Variants in ZSWIM6 observed in about 807,000 individuals in gnomAD.
ZSWIM6 encodes zinc finger SWIM-type containing 6.
A neutral mutation model predicts 113.2 loss-of-function variants in ZSWIM6; 9 were observed. That is an observed-to-expected ratio of 0.08 (90% CI 0.05 to 0.14). The LOEUF is 0.14. Ranked by LOEUF, ZSWIM6 falls within the 10% of genes least tolerant of loss-of-function variation. The probability of loss-of-function intolerance (pLI) is 1.00; values close to 1 mark genes in which losing one functional copy is unlikely to be tolerated. For synonymous variants in ZSWIM6, 611 were observed against 606.5 expected, an observed-to-expected ratio of 1.01 and a Z score of -0.11; for missense variants, 1,162 against 1,552.2, an observed-to-expected ratio of 0.75 and a Z score of 4.22.
At chr5:61,479,604 T>G (rs909054442) in intron 2 of ZSWIM6, among the ~76,000 whole-genome samples, 38 of 152,188 alleles carry the variant, frequency 2.5e-4, no homozygotes, top group African/African-American at 9.2e-4. Context: ...TCCCCCACAA[T>G]GGCGTTTCTC....
chr5:61,456,858 A>G (rs562180558), intron 1 of ZSWIM6, among the ~76,000 whole-genome samples: 1 of 150,114 alleles, frequency 6.7e-6, no homozygotes, highest in East Asian at 1.9e-4. Flanking sequence ...AGGGAAATCA[A>G]TTTCTGTTGA....
At chr5:61,508,882 A>T (rs927456069) in intron 4 of ZSWIM6, among the ~76,000 whole-genome samples, 2 of 152,172 alleles carry the variant, frequency 1.3e-5, no homozygotes, top group African/African-American at 2.4e-5. Flanking sequence ...TTGACACAGG[A>T]TGAAAGGGGA....
rs368515214 is a variant in ZSWIM6, at chr5:61,425,504, C to T, written c.677-47177C>T. On this transcript the variant is annotated intron_variant, in intron 1 of 13. Coordinates refer to ENST00000252744, the MANE Select transcript of ZSWIM6 (RefSeq NM_020928.2). The stretch of plus-strand genomic sequence containing the variant: ...GACACCGTGGTTCTAGACTATAATT[C>T]ATGCTCTGAGAGTTCTCATGTTCTA... Among the ~76,000 whole-genome samples the T allele has an allele frequency of 1.8e-4, 28 of 152,294 alleles. No individual in the cohort carries two copies. In the East Asian group the frequency reaches 5.0e-3, roughly 27 times the overall value.
chr5:61,525,955 C>T lies in ZSWIM6; in HGVS notation c.1669C>T (p.Arg557Cys), dbSNP rs181002879. Reference sequence around the variant, plus strand: ...CACTGAAAACTCCCTCTTCGACTCCCGCGGGTGGCCCCTCTGGCATGGTAA... The same window carrying T: ...CACTGAAAACTCCCTCTTCGACTCCTGCGGGTGGCCCCTCTGGCATGGTAA... ...DDTENSLFDSRGWPLWHEHVP... is the reference protein window; with the variant it reads ...DDTENSLFDSCGWPLWHEHVP... Residue 557 changes from arginine to cysteine, a missense_variant, in exon 6 of 14, where the codon CGC (arginine) becomes TGC (cysteine). Transcript: ENST00000252744. 2.5e-4 allele frequency: 395 copies of T among 1,552,144 alleles called. No individual in the cohort carries two copies. The highest frequency in any genetic ancestry group is 3.1e-4 in the Non-Finnish European group (354 of 1,147,054).
intron 1 of ZSWIM6, among the ~76,000 whole-genome samples, chr5:61,436,630 T>C (rs1746713489): frequency 6.6e-6 from 1 of 152,146 alleles, no homozygotes; most frequent in South Asian, 2.1e-4. Context: ...ACTTATTGAG[T>C]TGTTATTACT....
At chr5:61,367,959 C>CA (rs1554031172) in intron 1 of ZSWIM6, among the ~76,000 whole-genome samples, 1 of 151,946 alleles carries the variant, frequency 6.6e-6, no homozygotes, top group Non-Finnish European at 1.5e-5. Context: ...TCCATCTCTA[C>CA]AAAAAATTAA....
At chr5:61,346,732 T>G (rs1165735942) in intron 1 of ZSWIM6, among the ~76,000 whole-genome samples, 1 of 152,206 alleles carries the variant, frequency 6.6e-6, no homozygotes, top group African/African-American at 2.4e-5. Flanking sequence ...CAGAGCAGTT[T>G]CTTTGCAGTT....
intron 1 of ZSWIM6, among the ~76,000 whole-genome samples, chr5:61,456,790 T>A (rs1051117362): frequency 9.2e-5 from 14 of 152,232 alleles, no homozygotes; most frequent in Non-Finnish European, 1.8e-4. Context: ...AGCTATCATT[T>A]ATTGTATCTT....
At chr5:61,337,149 G>C (rs1335348713) in intron 1 of ZSWIM6, among the ~76,000 whole-genome samples, 2 of 151,974 alleles carry the variant, frequency 1.3e-5, no homozygotes, top group Non-Finnish European at 2.9e-5. Context: ...GAGCGGTTGC[G>C]GGCGTCTGTA....
Position 61,523,089 on chromosome 5 carries a change from G to A in ZSWIM6, c.1513+1647G>A, listed in dbSNP as rs562360047. 3.9e-5 allele frequency among the ~76,000 whole-genome samples: 6 copies of A among 152,288 alleles called. No homozygotes were observed. In the South Asian group the frequency reaches 1.2e-3, roughly 32 times the overall value. The stretch of plus-strand genomic sequence containing the variant: ...ATATCTGTTGGACCGAAAGGCACCA[G>A]GGTACCTACTTTTAGCAGAATACCC... On this transcript the variant is annotated intron_variant, in intron 5 of 13. Coordinates refer to ENST00000252744, the MANE Select transcript of ZSWIM6 (RefSeq NM_020928.2).
chr5:61,544,893 G>A lies in ZSWIM6; in HGVS notation c.*576G>A, dbSNP rs1270419579. ...ATGCTTGTGCATGTGGAAACTTAGC[G>A]ACTGTCAACATACATTCTCAGGGAT... On this transcript the variant is annotated 3_prime_UTR_variant, in exon 14 of 14. Coordinates refer to ENST00000252744, the MANE Select transcript of ZSWIM6 (RefSeq NM_020928.2). 3.3e-5 allele frequency: 5 copies of A among 152,052 alleles called. No homozygotes were observed. Among genetic ancestry groups the A allele is most frequent in the Non-Finnish European group, 5.9e-5 (4 of 68,036 alleles). 9.4% of individuals were successfully genotyped at this position (152,052 alleles called of 1,614,324 possible).
chr5:61,438,328 A>AC (rs1164827659), intron 1 of ZSWIM6, among the ~76,000 whole-genome samples: 1 of 152,174 alleles, frequency 6.6e-6, no homozygotes, highest in Non-Finnish European at 1.5e-5. Context: ...AAAATTTAAC[A>AC]CCTCTTCTGC....
At chr5:61,469,909 G>A (rs544403997) in intron 1 of ZSWIM6, among the ~76,000 whole-genome samples, 108 of 152,164 alleles carry the variant, frequency 7.1e-4, no homozygotes, top group African/African-American at 2.3e-3. Context: ...GGGTTTCAGC[G>A]TGTTAGCCAG....
chr5:61,366,247 G>T (rs1745148051), intron 1 of ZSWIM6, among the ~76,000 whole-genome samples: 1 of 152,174 alleles, frequency 6.6e-6, no homozygotes. Context: ...GGTTGCATAT[G>T]TTTTTATGCA....
At chr5:61,400,077 C>T (rs189700380) in intron 1 of ZSWIM6, among the ~76,000 whole-genome samples, 2 of 152,228 alleles carry the variant, frequency 1.3e-5, no homozygotes, top group East Asian at 3.9e-4. Flanking sequence ...ATTACATCTC[C>T]ATTTGTCTGT....
rs1401549561 is a variant in ZSWIM6 at position 61,543,520 on chromosome 5, A to G, written c.2851A>G (p.Ser951Gly). The G allele has an allele frequency of 1.9e-6, 3 of 1,551,370 alleles. No individual in the cohort carries two copies. The highest frequency in any genetic ancestry group is 2.4e-5 in the South Asian group (2 of 84,034). ...FTLFTPTEAT[S>G]IVATTVMSNS... ...ACTCTTTACTCCCACCGAGGCCACA[A>G]GTATAGTTGCAACTACCGTGATGTC... The change falls in exon 14 of 14, where the codon AGT (serine) becomes GGT (glycine). Residue 951 changes from serine to glycine, a missense_variant. By Grantham distance (56) the Ser-to-Gly change is moderately conservative. Coordinates refer to ENST00000252744, the MANE Select transcript of ZSWIM6 (RefSeq NM_020928.2). The surrounding 1 kb of genome is among the most constrained non-coding windows in gnomAD (Gnocchi z 4.3).
At chr5:61,333,000 G>GT in intron 1 of ZSWIM6, 52 bp downstream of exon 1, 1 of 433,680 alleles carries the variant, frequency 2.3e-6, no homozygotes, top group Non-Finnish European at 3.1e-6. Context: ...GTCCCTGGGT[G>GT]GGGGGGGGGT....
At chr5:61,465,885 T>C (rs1048636650) in intron 1 of ZSWIM6, among the ~76,000 whole-genome samples, 3 of 152,196 alleles carry the variant, frequency 2.0e-5, no homozygotes, top group Admixed American at 1.3e-4. Flanking sequence ...AACCACTTCA[T>C]TAGTGATTGC....
intron 1 of ZSWIM6, among the ~76,000 whole-genome samples, chr5:61,401,014 G>A (rs927763103): frequency 1.3e-5 from 2 of 152,126 alleles, no homozygotes; most frequent in African/African-American, 2.4e-5. Flanking sequence ...TTAATTTATC[G>A]TCTTCTGTTT....
Sources: gnomAD v4.1 joint callset for allele counts (sites outside exome capture counted in the v4.1 genomes callset) on GRCh38, gnomAD v4.1.1 for gene constraint, Gnocchi (gnomAD v3.1) non-coding constraint, MANE v1.5 for transcripts, NCBI Gene and HGNC (gene_info 2026-07-23, HGNC 2026-07-21) for gene names.